The following BCAR3 variants were observed in gnomAD, a reference collection of about 807,000 sequenced individuals.
BCAR3 encodes breast cancer anti-estrogen resistance protein 3.
A neutral mutation model predicts 80.1 loss-of-function variants in BCAR3; 37 were observed. The ratio of observed to expected loss-of-function variants is 0.46; its 90% CI spans 0.36 to 0.61. BCAR3 has a LOEUF of 0.61. BCAR3 is among the 20% of genes least tolerant of loss of function. The pLI is 0.00. For missense variants in BCAR3, 978 were observed against 1,068.2 expected, an observed-to-expected ratio of 0.92 and a Z score of 1.18; for synonymous variants, 389 against 418.9, an observed-to-expected ratio of 0.93 and a Z score of 0.87.
intron 2 of BCAR3, among the ~76,000 whole-genome samples, chr1:93,731,636 A>G (rs1650791312): frequency 7.0e-6 from 1 of 143,660 alleles, no homozygotes; most frequent in Non-Finnish European, 1.5e-5. Context: ...AATAAATAGT[A>G]GATGTTAAAG....
intron 2 of BCAR3, among the ~76,000 whole-genome samples, chr1:93,670,429 A>G (rs577748716): frequency 6.6e-6 from 1 of 152,236 alleles, no homozygotes; most frequent in African/African-American, 2.4e-5. Flanking sequence ...ATTCTCCCCA[A>G]AGTAGGTGTC....
chr1:93,593,368 TA>T (rs1000462856), intron 3 of BCAR3, among the ~76,000 whole-genome samples: 5 of 152,126 alleles, frequency 3.3e-5, no homozygotes, highest in African/African-American at 1.2e-4. Context: ...TTATTTATTT[TA>T]TTTTTTTTGA....
chr1:93,827,720 A>G (rs1223465115), intron 2 of BCAR3, among the ~76,000 whole-genome samples: 1 of 151,572 alleles, frequency 6.6e-6, no homozygotes, highest in Non-Finnish European at 1.5e-5. Flanking sequence ...GGAAAGAGAG[A>G]GGAAGAGAAG....
intron 3 of BCAR3, chr1:93,605,484 T>G (rs935598539): frequency 1.3e-5 from 2 of 152,236 alleles, no homozygotes; most frequent in East Asian, 3.8e-4. Context: ...CACTCAGTAA[T>G]AGTAGTGCTT....
intron 3 of BCAR3, among the ~76,000 whole-genome samples, chr1:93,696,116 T>A (rs891949617): frequency 3.3e-5 from 5 of 151,892 alleles, no homozygotes; most frequent in African/African-American, 9.7e-5. Context: ...TCAAAGCTCA[T>A]TGTAGCCTTG....
At chr1:93,571,612 A>G (rs766342877) in intron 9 of BCAR3, 58 bp downstream of exon 9, 1 of 1,592,970 alleles carries the variant, frequency 6.3e-7, no homozygotes, top group East Asian at 2.2e-5. Flanking sequence ...TTTGCCAAAC[A>G]TGGCATGCAG....
chr1:93,580,630 T>A (rs1673666436), intron 7 of BCAR3, among the ~76,000 whole-genome samples: 1 of 152,194 alleles, frequency 6.6e-6, no homozygotes, highest in Non-Finnish European at 1.5e-5. Flanking sequence ...TATTAGGTGT[T>A]GTAAGTAATC....
At chr1:93,620,142 G>A (rs754688103) in intron 3 of BCAR3, among the ~76,000 whole-genome samples, 9 of 152,128 alleles carry the variant, frequency 5.9e-5, no homozygotes, top group African/African-American at 1.2e-4. Context: ...CAGGAACCAC[G>A]CCTGTAGCCA....
chr1:93,752,352 C>T (rs1026599062), intron 2 of BCAR3, among the ~76,000 whole-genome samples: 1 of 152,226 alleles, frequency 6.6e-6, no homozygotes, highest in Non-Finnish European at 1.5e-5. Flanking sequence ...GAGGTTTCTC[C>T]TTCCCAGGCT....
chr1:93,592,207 A>C lies in BCAR3; in HGVS notation c.486+58T>G. 6.2e-7 allele frequency: 1 copy of C among 1,605,618 alleles called. No individual in the cohort carries two copies. The highest frequency in any genetic ancestry group is 8.5e-7 in the Non-Finnish European group (1 of 1,177,824). ...TCGGAGTGGGACCCTGCGGGTCATC[A>C]ATCTGTACATTGCCTGAGAGCAGCC... On this transcript the variant is annotated intron_variant, in intron 4 of 11. Coordinates refer to ENST00000260502, the MANE Select transcript of BCAR3 (RefSeq NM_003567.4). The surrounding 1 kb of genome is among the most constrained non-coding windows in gnomAD (Gnocchi z 4.8).
At chr1:93,564,750 C>T (rs1672871083) in intron 11 of BCAR3, among the ~76,000 whole-genome samples, 1 of 152,138 alleles carries the variant, frequency 6.6e-6, no homozygotes, top group Non-Finnish European at 1.5e-5. Context: ...ATAGCAGATA[C>T]CATTTGCAGG....
intron 2 of BCAR3, among the ~76,000 whole-genome samples, chr1:93,800,005 C>T (rs1406619255): frequency 6.6e-6 from 1 of 152,148 alleles, no homozygotes; most frequent in African/African-American, 2.4e-5. Flanking sequence ...TAATGGTTCT[C>T]TAATCTTGTA....
At chr1:93,574,133 T>C (rs1673344612) in intron 8 of BCAR3, among the ~76,000 whole-genome samples, 1 of 151,978 alleles carries the variant, frequency 6.6e-6, no homozygotes, top group Admixed American at 6.5e-5. Context: ...ATCCATTCAC[T>C]CAACCAATAT....
intron 2 of BCAR3, among the ~76,000 whole-genome samples, chr1:93,647,795 C>T (rs77707106): frequency 2.0e-5 from 3 of 147,430 alleles, no homozygotes; most frequent in Non-Finnish European, 3.0e-5. Flanking sequence ...TTTTTTTTTT[C>T]GAGTCTTGCT....
chr1:93,578,111 C>T (rs755861298), intron 7 of BCAR3, among the ~76,000 whole-genome samples: 22 of 152,244 alleles, frequency 1.4e-4, no homozygotes, highest in Admixed American at 3.3e-4. Context: ...CTTCCTTCTG[C>T]CCTCCAAATC....
chr1:93,589,103 G>A lies in BCAR3; in HGVS notation c.803C>T (p.Thr268Ile). The A allele has an allele frequency of 6.2e-7, 1 of 1,612,812 alleles. No homozygotes were observed. ...GCCCTCCCGGGCCTGGCCTGGGGAGGTGCCATAATGCTCCTCCAGGCACCG... is the reference window on the plus strand; with the variant it reads ...GCCCTCCCGGGCCTGGCCTGGGGAGATGCCATAATGCTCCTCCAGGCACCG... ...PLRCLEEHYGTSPGQAREGSL... is the reference protein window; with the variant it reads ...PLRCLEEHYGISPGQAREGSL... The change falls in exon 5 of 12, where the codon ACC becomes ATC. Residue 268 changes from threonine to isoleucine, a missense_variant. Transcript: ENST00000260502.
chr1:93,810,189 T>C (rs1207931272), intron 2 of BCAR3, among the ~76,000 whole-genome samples: 11 of 103,498 alleles, frequency 1.1e-4, no homozygotes, highest in African/African-American at 7.5e-4. Context: ...CAAGACTCCA[T>C]CTCAAAAAAA....
At chr1:93,769,338 TAA>T (rs1457658451) in intron 2 of BCAR3, among the ~76,000 whole-genome samples, 1 of 150,104 alleles carries the variant, frequency 6.7e-6, no homozygotes, top group African/African-American at 2.5e-5. Flanking sequence ...AGTTTAGGAC[TAA>T]ATATGTGGGT....
At chr1:93,814,571 C>T (rs542213201) in intron 2 of BCAR3, among the ~76,000 whole-genome samples, 2 of 152,338 alleles carry the variant, frequency 1.3e-5, no homozygotes, top group East Asian at 1.9e-4. Flanking sequence ...CTGCCTTTGT[C>T]GCTGTTGTGA....
Sources: allele counts gnomAD v4.1 joint callset (sites outside exome capture counted in the v4.1 genomes callset), GRCh38; gene constraint gnomAD v4.1.1; non-coding constraint Gnocchi (gnomAD v3.1); transcripts MANE v1.5; gene names NCBI Gene and HGNC (gene_info 2026-07-23, HGNC 2026-07-21).